The following ALPK1 variants were observed in gnomAD, a reference collection of about 807,000 sequenced individuals.
ALPK1 encodes the protein alpha kinase 1, also known as alpha-protein kinase 1.
Under a neutral mutation model 120.6 loss-of-function variants are expected in ALPK1, and 110 were observed. That is an observed-to-expected ratio of 0.91 (90% CI 0.78 to 1.07). The LOEUF is 1.07. Among genes scored for constraint, ALPK1 ranks in the 50% least tolerant of loss-of-function variants. The pLI, the probability that ALPK1 is intolerant of heterozygous loss-of-function variation, is 0.00. For missense variants in ALPK1, 1,498 were observed against 1,483.9 expected, an observed-to-expected ratio of 1.01 and a Z score of -0.16; for synonymous variants, 582 against 560.3, an observed-to-expected ratio of 1.04 and a Z score of -0.55.
chr4:112,385,760 A>C (rs574101227), intron 4 of ALPK1, among the ~76,000 whole-genome samples: 1 of 152,216 alleles, frequency 6.6e-6, no homozygotes, highest in East Asian at 1.9e-4. Context: ...AGAGTTTGTC[A>C]GAGCTGGATG....
chr4:112,351,853 T>C (rs1730373770), intron 2 of ALPK1, among the ~76,000 whole-genome samples: 1 of 152,210 alleles, frequency 6.6e-6, no homozygotes, highest in South Asian at 2.1e-4. Context: ...AAACTAATAG[T>C]TCAAACTGCT....
At chr4:112,413,016 T>C (rs1016627078) in intron 5 of ALPK1, among the ~76,000 whole-genome samples, 9 of 152,250 alleles carry the variant, frequency 5.9e-5, no homozygotes, top group Admixed American at 5.9e-4. Context: ...TTCTTGCAAC[T>C]GTGCATAAAT....
chr4:112,308,602 G>A (rs1728234184), intron 1 of ALPK1, among the ~76,000 whole-genome samples: 1 of 152,016 alleles, frequency 6.6e-6, no homozygotes, highest in Admixed American at 6.6e-5. Flanking sequence ...GCTCCATCAG[G>A]TCATTTAAGG....
chr4:112,299,088 T>G (rs1578439452), intron 1 of ALPK1, among the ~76,000 whole-genome samples: 1 of 152,152 alleles, frequency 6.6e-6, no homozygotes, highest in East Asian at 1.9e-4. Flanking sequence ...TTGTTTTTTT[T>G]GTATTTTGTA....
chr4:112,372,779 C>G (rs908997518), intron 2 of ALPK1, among the ~76,000 whole-genome samples: 4 of 152,042 alleles, frequency 2.6e-5, no homozygotes, highest in Non-Finnish European at 5.9e-5. Context: ...CTCCCTAATT[C>G]CCCCCATCCT....
At chr4:112,432,645 G>T (rs1734624504) in intron 11 of ALPK1, 64 bp downstream of exon 11, 1 of 1,467,996 alleles carries the variant, frequency 6.8e-7, no homozygotes, top group Non-Finnish European at 9.2e-7. Flanking sequence ...ACTCTGAAGA[G>T]CTTGGTATGT....
At chr4:112,366,895 C>T (rs115154698) in intron 2 of ALPK1, among the ~76,000 whole-genome samples, 72 of 152,264 alleles carry the variant, frequency 4.7e-4, no homozygotes, top group Non-Finnish European at 9.3e-4. Context: ...ATGGCACTTG[C>T]AGCAACCTGG....
rs1735078073 is a variant in ALPK1 at position 112,442,553 on chromosome 4, A to G, written c.*1343A>G. 1 of 152,054 alleles carries G rather than the reference A, an allele frequency of 6.6e-6. No individual in the cohort carries two copies. The highest frequency in any genetic ancestry group is 2.4e-5 in the African/African-American group (1 of 41,384). The allele number at this position is 152,054 out of a possible 1,614,324, so 9.4% of individuals were successfully genotyped here. ...CCTGGGTGATGAAGTAATTCGCACA[A>G]CAAACCCCCATGACACAAACCTGCA... On this transcript the variant is annotated 3_prime_UTR_variant, in exon 16 of 16. Coordinates refer to ENST00000650871, the MANE Select transcript of ALPK1 (RefSeq NM_025144.4).
chr4:112,366,727 A>G (rs1002873895), intron 2 of ALPK1, among the ~76,000 whole-genome samples: 10 of 152,228 alleles, frequency 6.6e-5, no homozygotes, highest in Non-Finnish European at 1.5e-4. Flanking sequence ...AAGTCATTAT[A>G]TGAAAAAGAT....
chr4:112,299,158 C>G (rs1560626280), intron 1 of ALPK1, among the ~76,000 whole-genome samples: 1 of 151,996 alleles, frequency 6.6e-6, no homozygotes, highest in Non-Finnish European at 1.5e-5. Context: ...ATGGTGACAA[C>G]TGTTTTTGCA....
At chr4:112,403,216 G>A (rs141851250) in intron 4 of ALPK1, among the ~76,000 whole-genome samples, 13 of 119,660 alleles carry the variant, frequency 1.1e-4, no homozygotes, top group South Asian at 5.2e-4. Context: ...CCCCCTCCCC[G>A]GCATACATTT....
chr4:112,342,128 A>G (rs1411334550), intron 2 of ALPK1, among the ~76,000 whole-genome samples: 1 of 152,230 alleles, frequency 6.6e-6, no homozygotes, highest in Non-Finnish European at 1.5e-5. Context: ...AAATAGCACT[A>G]TGAGCATTTA....
chr4:112,363,984 A>G (rs1451177146), intron 2 of ALPK1, among the ~76,000 whole-genome samples: 3 of 152,222 alleles, frequency 2.0e-5, no homozygotes, highest in Non-Finnish European at 1.5e-5. Flanking sequence ...TAAAATCAAG[A>G]TAGAAATTTT....
rs760019462 is a variant in ALPK1 at position 112,431,949 on chromosome 4, A to G, written c.2402A>G (p.Asp801Gly). The G allele has an allele frequency of 1.2e-6, 2 of 1,614,068 alleles. No homozygotes were observed. The highest frequency in any genetic ancestry group is 2.2e-5 in the East Asian group (1 of 44,884). ...TAESTEDAPLDFHRVLHNSLG... is the reference protein window; with the variant it reads ...TAESTEDAPLGFHRVLHNSLG... ...GAAAGCACTGAAGATGCACCCTTAG[A>G]CTTTCACAGGGTCCTGCACAATTCT... The change falls in exon 11 of 16, where the codon GAC becomes GGC. Residue 801 changes from aspartate (D) to glycine (G), a missense_variant. Physicochemically the swap from Asp to Gly is moderately conservative, Grantham distance 94. Coordinates refer to ENST00000650871, the MANE Select transcript of ALPK1 (RefSeq NM_025144.4).
chr4:112,316,203 C>G (rs1015995455), intron 2 of ALPK1: 4 of 152,192 alleles, frequency 2.6e-5, no homozygotes, highest in African/African-American at 9.7e-5. Flanking sequence ...TCCCATTTCT[C>G]TCTTCCCCAG....
chr4:112,412,589 G>C (rs1733537078), intron 5 of ALPK1: 1 of 399,064 alleles, frequency 2.5e-6, no homozygotes, highest in Non-Finnish European at 5.0e-6. Context: ...AACTTAAGAT[G>C]TGGTGTGGAA....
chr4:112,422,699 T>C (rs7677819), intron 5 of ALPK1, among the ~76,000 whole-genome samples: 4,571 of 152,318 alleles, frequency 0.03, 216 homozygotes, highest in African/African-American at 0.1. Context: ...TGGGTGATTA[T>C]TATAAGTACT....
chr4:112,326,295 A>G (rs571799972), intron 2 of ALPK1, among the ~76,000 whole-genome samples: 24 of 152,290 alleles, frequency 1.6e-4, no homozygotes, highest in African/African-American at 5.8e-4. Flanking sequence ...CTAAGATTTT[A>G]TCTTTAAACT....
chr4:112,372,731 CCTGT>C (rs1217921944), intron 2 of ALPK1, among the ~76,000 whole-genome samples: 21 of 152,090 alleles, frequency 1.4e-4, no homozygotes, highest in Admixed American at 1.2e-3. Context: ...ACTTTTTCCT[CCTGT>C]CTAACTGAAA....
Sources: gnomAD v4.1 joint callset for allele counts (sites outside exome capture counted in the v4.1 genomes callset) on GRCh38, gnomAD v4.1.1 for gene constraint, MANE v1.5 for transcripts, NCBI Gene and HGNC (gene_info 2026-07-23, HGNC 2026-07-21) for gene names.